Variants in PPARGC1B observed in about 807,000 individuals in gnomAD.
PPARGC1B encodes the protein PPARG coactivator 1 beta, also known as peroxisome proliferator-activated receptor gamma coactivator 1-beta.
In PPARGC1B, 34 loss-of-function variants were observed where a neutral mutation model predicts 101.6. The ratio of observed to expected loss-of-function variants is 0.33; its 90% CI spans 0.25 to 0.45. The LOEUF (loss-of-function observed/expected upper bound fraction) is 0.45, where lower values mean the gene tolerates loss of function less well. PPARGC1B is among the 20% of genes least tolerant of loss of function. The pLI, the probability that PPARGC1B is intolerant of heterozygous loss-of-function variation, is 1.00. For synonymous variants in PPARGC1B, 548 were observed against 539.3 expected, an observed-to-expected ratio of 1.02 and a Z score of -0.22; for missense variants, 1,234 against 1,317.6, an observed-to-expected ratio of 0.94 and a Z score of 0.98.
At chr5:149,756,780 G>C (rs1335494007) in intron 1 of PPARGC1B, among the ~76,000 whole-genome samples, 1 of 152,142 alleles carries the variant, frequency 6.6e-6, no homozygotes, top group Non-Finnish European at 1.5e-5. Flanking sequence ...CAAGGGGTAG[G>C]GCCTTACCTG....
intron 1 of PPARGC1B, among the ~76,000 whole-genome samples, chr5:149,732,202 C>G (rs528720103): frequency 6.6e-6 from 1 of 152,340 alleles, no homozygotes; most frequent in East Asian, 1.9e-4. Context: ...CAGGTCCCAG[C>G]CTCAGTACCC....
rs531225647 is a variant in PPARGC1B at position 149,797,381 on chromosome 5, G to A, written c.79-23052G>A. 5.3e-5 allele frequency among the ~76,000 whole-genome samples: 8 copies of A among 152,330 alleles called. No homozygotes were observed. The South Asian group carries it at 1.2e-3, about 24-fold the overall frequency. On this transcript the variant is annotated intron_variant, in intron 1 of 11. Coordinates refer to ENST00000309241, the MANE Select transcript of PPARGC1B (RefSeq NM_133263.4). Reference sequence around the variant, plus strand: ...ATGTAGGGGACAAAAAAAAGTATTAGTGGTAACGGTGACTTTGTTGTCAAT... The same window carrying A: ...ATGTAGGGGACAAAAAAAAGTATTAATGGTAACGGTGACTTTGTTGTCAAT...
At chr5:149,811,312 T>C (rs746777327) in intron 1 of PPARGC1B, among the ~76,000 whole-genome samples, 2 of 152,220 alleles carry the variant, frequency 1.3e-5, no homozygotes, top group Non-Finnish European at 2.9e-5. Flanking sequence ...TTCTTGCAAA[T>C]TTCTCATAAT....
At chr5:149,731,947 G>C (rs1014511464) in intron 1 of PPARGC1B, among the ~76,000 whole-genome samples, 2 of 152,152 alleles carry the variant, frequency 1.3e-5, no homozygotes, top group Non-Finnish European at 2.9e-5. Context: ...TGGCGGGCGC[G>C]CTCGGGTGGG....
At chr5:149,823,492 G>T (rs1758383085) in intron 2 of PPARGC1B, among the ~76,000 whole-genome samples, 3 of 152,102 alleles carry the variant, frequency 2.0e-5, no homozygotes, top group Admixed American at 2.0e-4. Flanking sequence ...TTTCTTGAAG[G>T]CTCGTTTTCC....
At chr5:149,738,534 C>T (rs1754805642) in intron 1 of PPARGC1B, among the ~76,000 whole-genome samples, 1 of 152,174 alleles carries the variant, frequency 6.6e-6, no homozygotes, top group Non-Finnish European at 1.5e-5. Flanking sequence ...GCCACCATCC[C>T]TGCCATTTTA....
rs146794650 is a variant in PPARGC1B at position 149,828,320 on chromosome 5, T to G, written c.465+1435T>G. Among the ~76,000 whole-genome samples, 29 of 152,322 alleles carry G rather than the reference T, an allele frequency of 1.9e-4. 1 individual carries two copies. In the East Asian group the frequency reaches 5.2e-3, roughly 27 times the overall value. ...TAGGTTTGAATCCCAGCCCTGCCAT[T>G]TAGTACTTGTATGTCCCTTAGGCAT... On this transcript the variant is annotated intron_variant, in intron 3 of 11. Transcript: ENST00000309241.
At chr5:149,792,733 A>G (rs1757065261) in intron 1 of PPARGC1B, among the ~76,000 whole-genome samples, 1 of 151,808 alleles carries the variant, frequency 6.6e-6, no homozygotes, top group Non-Finnish European at 1.5e-5. Flanking sequence ...CTTGTTCCGT[A>G]GTTGTATTCA....
intron 1 of PPARGC1B, among the ~76,000 whole-genome samples, chr5:149,798,354 T>A (rs1314047755): frequency 6.6e-6 from 1 of 152,250 alleles, no homozygotes; most frequent in African/African-American, 2.4e-5. Context: ...TTTGTTTAGT[T>A]CTGTTTTTAT....
intron 1 of PPARGC1B, among the ~76,000 whole-genome samples, chr5:149,779,302 C>G (rs1756508194): frequency 6.6e-6 from 1 of 152,150 alleles, no homozygotes. Flanking sequence ...ATACACCATG[C>G]CTGGCACGAT....
At chr5:149,805,234 T>G (rs1581073787) in intron 1 of PPARGC1B, among the ~76,000 whole-genome samples, 2 of 152,160 alleles carry the variant, frequency 1.3e-5, no homozygotes, top group African/African-American at 4.8e-5. Context: ...ACACCCTGAG[T>G]GGTAAATACC....
chr5:149,827,292 A>G (rs1009269924), intron 3 of PPARGC1B, among the ~76,000 whole-genome samples: 1 of 152,216 alleles, frequency 6.6e-6, no homozygotes, highest in Non-Finnish European at 1.5e-5. Flanking sequence ...AGAGGTAACC[A>G]TGGTTACTGA....
chr5:149,784,119 C>A (rs1211349756), intron 1 of PPARGC1B, among the ~76,000 whole-genome samples: 2 of 152,030 alleles, frequency 1.3e-5, no homozygotes, highest in Non-Finnish European at 2.9e-5. Context: ...AACCCCAGCC[C>A]TATTTCCCTT....
intron 1 of PPARGC1B, among the ~76,000 whole-genome samples, chr5:149,799,731 CT>C (rs1757370965): frequency 9.9e-6 from 1 of 101,288 alleles, no homozygotes. Flanking sequence ...AAGTCTTGCT[CT>C]TGTCACCCAG....
intron 1 of PPARGC1B, among the ~76,000 whole-genome samples, chr5:149,741,203 C>G (rs1005232474): frequency 6.6e-6 from 1 of 152,178 alleles, no homozygotes; most frequent in Non-Finnish European, 1.5e-5. Flanking sequence ...AGTCATTTAG[C>G]AGAGGGAATG....
intron 1 of PPARGC1B, among the ~76,000 whole-genome samples, chr5:149,787,732 C>T (rs902375227): frequency 5.3e-5 from 8 of 152,152 alleles, no homozygotes; most frequent in Non-Finnish European, 7.3e-5. Context: ...GAGGTTGACA[C>T]ATGTAGGGAC....
chr5:149,784,001 A>G lies in PPARGC1B; in HGVS notation c.79-36432A>G, dbSNP rs1439502779. Among the ~76,000 whole-genome samples the G allele has an allele frequency of 2.0e-5, 3 of 152,056 alleles. No homozygotes were observed. The East Asian group carries it at 5.8e-4, about 30-fold the overall frequency. On this transcript the variant is annotated intron_variant, in intron 1 of 11. Transcript: ENST00000309241. ...CTGCCCCAGCCTAGGCAAGATGGGC[A>G]TGGGAGACCCCCTGACTTGCCTGCC... is the stretch of plus-strand genomic sequence containing the variant.
chr5:149,845,623 C>CA (rs1256633133), intron 10 of PPARGC1B, 137 bp from the exon 11 acceptor site: 5 of 852,026 alleles, frequency 5.9e-6, no homozygotes, highest in Non-Finnish European at 9.2e-6. Flanking sequence ...CAGTGGTCAT[C>CA]ATCATCTCTA....
At chr5:149,784,995 T>A (rs1756748573) in intron 1 of PPARGC1B, among the ~76,000 whole-genome samples, 1 of 152,184 alleles carries the variant, frequency 6.6e-6, no homozygotes, top group African/African-American at 2.4e-5. Flanking sequence ...ACAAGATAGG[T>A]GCCTGGTGCA....
Sources: gnomAD v4.1 joint callset for allele counts (sites outside exome capture counted in the v4.1 genomes callset) on GRCh38, gnomAD v4.1.1 for gene constraint, MANE v1.5 for transcripts, NCBI Gene and HGNC (gene_info 2026-07-23, HGNC 2026-07-21) for gene names.